The following GLIS1 variants were observed in gnomAD, a reference collection of about 807,000 sequenced individuals.
The protein encoded by GLIS1 is GLIS family zinc finger 1.
Under a neutral mutation model 63.8 loss-of-function variants are expected in GLIS1, and 24 were observed. The ratio of observed to expected loss-of-function variants is 0.38; its 90% confidence interval spans 0.27 to 0.53. The LOEUF (loss-of-function observed/expected upper bound fraction) is 0.53, where lower values mean the gene tolerates loss of function less well. Among genes scored for constraint, GLIS1 ranks in the 20% least tolerant of loss-of-function variants. The probability of loss-of-function intolerance (pLI) is 0.85; values close to 1 mark genes in which losing one functional copy is unlikely to be tolerated. For missense variants in GLIS1, 1,036 were observed against 1,074.1 expected, an observed-to-expected ratio of 0.96 and a Z score of 0.50; for synonymous variants, 450 against 482.5, an observed-to-expected ratio of 0.93 and a Z score of 0.88.
intron 4 of GLIS1, among the ~76,000 whole-genome samples, chr1:53,582,499 C>T (rs1469888603): frequency 1.3e-5 from 2 of 152,178 alleles, no homozygotes; most frequent in East Asian, 1.9e-4. Flanking sequence ...GTCACCTCTC[C>T]GCCCTGGGTC....
chr1:53,666,820 T>C (rs1294851086), intron 2 of GLIS1, among the ~76,000 whole-genome samples: 1 of 152,108 alleles, frequency 6.6e-6, no homozygotes, highest in Non-Finnish European at 1.5e-5. Flanking sequence ...GAAGTCAAAC[T>C]CTGCTGTGCT....
At chr1:53,669,416 T>C (rs1646128360) in intron 2 of GLIS1, among the ~76,000 whole-genome samples, 1 of 149,496 alleles carries the variant, frequency 6.7e-6, no homozygotes, top group Non-Finnish European at 1.5e-5. Context: ...GAGGGAGAAA[T>C]GAAAGAAAGG....
At chr1:53,544,979 G>A (rs1272901733) in intron 4 of GLIS1, among the ~76,000 whole-genome samples, 2 of 152,204 alleles carry the variant, frequency 1.3e-5, no homozygotes, top group African/African-American at 2.4e-5. Context: ...GAGAGGGCAA[G>A]GCTCCCCAAG....
At chr1:53,516,063 G>C (rs1367083650) in intron 7 of GLIS1, among the ~76,000 whole-genome samples, 1 of 152,124 alleles carries the variant, frequency 6.6e-6, no homozygotes, top group African/African-American at 2.4e-5. Context: ...TGTGACCTGG[G>C]GGCTAGCCCG....
chr1:53,641,967 C>T (rs1219953842), intron 2 of GLIS1, among the ~76,000 whole-genome samples: 1 of 152,214 alleles, frequency 6.6e-6, no homozygotes, highest in African/African-American at 2.4e-5. Flanking sequence ...GGGCTGACCC[C>T]GAAGCTCTCC....
chr1:53,531,309 C>A (rs1644528086), intron 4 of GLIS1, among the ~76,000 whole-genome samples: 1 of 152,224 alleles, frequency 6.6e-6, no homozygotes, highest in Non-Finnish European at 1.5e-5. Flanking sequence ...CCAGCATGGG[C>A]TCCCAGCAGC....
intron 2 of GLIS1, among the ~76,000 whole-genome samples, chr1:53,636,299 A>G (rs1645720763): frequency 6.6e-6 from 1 of 152,244 alleles, no homozygotes; most frequent in Non-Finnish European, 1.5e-5. Context: ...ACATTAGAAA[A>G]TCACTTAACG....
At chr1:53,679,830 G>T (rs543900589) in intron 2 of GLIS1, among the ~76,000 whole-genome samples, 3 of 152,296 alleles carry the variant, frequency 2.0e-5, no homozygotes, top group Admixed American at 6.5e-5. Context: ...CCAACTTTTT[G>T]ACTTCTCTCT....
chr1:53,517,993 A>G (rs568994000), intron 7 of GLIS1, among the ~76,000 whole-genome samples: 5 of 152,256 alleles, frequency 3.3e-5, no homozygotes, highest in Non-Finnish European at 7.3e-5. Context: ...GCTCTCCCCA[A>G]AACGCACCAC....
At chr1:53,665,750 A>G (rs1646084510) in intron 2 of GLIS1, among the ~76,000 whole-genome samples, 1 of 152,204 alleles carries the variant, frequency 6.6e-6, no homozygotes, top group South Asian at 2.1e-4. Context: ...TCAAGGAGGT[A>G]GGAGAACCAA....
At chr1:53,533,615 G>A (rs1644553153) in intron 4 of GLIS1, among the ~76,000 whole-genome samples, 1 of 152,228 alleles carries the variant, frequency 6.6e-6, no homozygotes, top group Non-Finnish European at 1.5e-5. Flanking sequence ...AGCAGACGAA[G>A]GGGCACTGCC....
At chr1:53,510,115 C>T (rs973863320) in intron 8 of GLIS1, 88 bp from the exon 9 acceptor site, 8 of 656,804 alleles carry the variant, frequency 1.2e-5, no homozygotes, top group East Asian at 6.9e-5. Flanking sequence ...ACCCCTCCAG[C>T]GACGGGGAGC....
At chr1:53,608,710 C>T (rs1056137593) in intron 2 of GLIS1, among the ~76,000 whole-genome samples, 2 of 152,216 alleles carry the variant, frequency 1.3e-5, no homozygotes, top group Non-Finnish European at 2.9e-5. Context: ...GCAGGCACTA[C>T]ATAACTGTTT....
At position 53,506,532 on chromosome 1, in the gene GLIS1, T is replaced by C. The variant is rs2296758; in HGVS notation, c.*87A>G. Reference sequence around the variant, plus strand: ...TGTTCCGGCTGTGGCCTGGCACTCCTGCTAGGTGCACGGAGGGTGGGAGCG... The same window carrying C: ...TGTTCCGGCTGTGGCCTGGCACTCCCGCTAGGTGCACGGAGGGTGGGAGCG... On this transcript the variant is annotated 3_prime_UTR_variant, in exon 11 of 11. Coordinates refer to ENST00000628545, the MANE Select transcript of GLIS1 (RefSeq NM_001367484.1). 0.28 allele frequency: 391,152 copies of C among 1,396,054 alleles called. 70,356 individuals are homozygous for C. The highest frequency in any genetic ancestry group is 0.84 in the African/African-American group (59,228 of 70,838). 86.5% of individuals were successfully genotyped at this position (1,396,054 alleles called of 1,614,324 possible).
intron 8 of GLIS1, 45 bp downstream of exon 8, chr1:53,514,580 T>A: frequency 1.3e-6 from 2 of 1,588,876 alleles, no homozygotes; most frequent in Non-Finnish European, 1.7e-6. Flanking sequence ...CCCCCCGAGA[T>A]CCCCCCTTGT....
intron 7 of GLIS1, among the ~76,000 whole-genome samples, chr1:53,514,993 T>C (rs1223320130): frequency 6.6e-6 from 1 of 152,094 alleles, no homozygotes; most frequent in African/African-American, 2.4e-5. Flanking sequence ...TAAAGGGCTG[T>C]GTCCAGGGCT....
At chr1:53,614,763 T>A (rs902361636) in intron 2 of GLIS1, among the ~76,000 whole-genome samples, 1 of 151,902 alleles carries the variant, frequency 6.6e-6, no homozygotes, top group Admixed American at 6.6e-5. Context: ...TATGCATTTG[T>A]CAGATCTCAC....
At chr1:53,628,841 G>C (rs1172403017) in intron 2 of GLIS1, among the ~76,000 whole-genome samples, 4 of 152,164 alleles carry the variant, frequency 2.6e-5, no homozygotes, top group African/African-American at 9.7e-5. Context: ...GAGGTCAGAA[G>C]GGGTGGCCAT....
chr1:53,528,028 G>A (rs1354050901), intron 5 of GLIS1, among the ~76,000 whole-genome samples: 1 of 152,144 alleles, frequency 6.6e-6, no homozygotes, highest in Admixed American at 6.5e-5. Context: ...GGGAGGGTAG[G>A]GAGAGGGTGC....
Sources: allele counts gnomAD v4.1 joint callset (sites outside exome capture counted in the v4.1 genomes callset), GRCh38; gene constraint gnomAD v4.1.1; transcripts MANE v1.5; gene names NCBI Gene and HGNC (gene_info 2026-07-23, HGNC 2026-07-21).